The following KIAA1217 variants were observed in gnomAD, a reference collection of about 807,000 sequenced individuals.
KIAA1217 encodes the protein KIAA1217.
A neutral mutation model predicts 163.9 loss-of-function variants in KIAA1217; 88 were observed. The observed-to-expected ratio is 0.54, with a 90% CI of 0.45 to 0.64. The LOEUF (loss-of-function observed/expected upper bound fraction) is 0.64, where lower values mean the gene tolerates loss of function less well. Ranked by LOEUF, KIAA1217 falls within the 30% of genes least tolerant of loss-of-function variation. The probability of loss-of-function intolerance (pLI) is 0.00; values close to 1 mark genes in which losing one functional copy is unlikely to be tolerated. For synonymous variants in KIAA1217, 903 were observed against 923.1 expected (o/e 0.98, Z 0.39); for missense variants, 2,372 against 2,475.0 (o/e 0.96, Z 0.88).
intron 2 of KIAA1217, among the ~76,000 whole-genome samples, chr10:24,252,052 G>A (rs1564345872): frequency 6.6e-6 from 1 of 151,930 alleles, no homozygotes; most frequent in Non-Finnish European, 1.5e-5. Context: ...TTTCTATCTA[G>A]TCAATGTCTT....
chr10:24,125,322 C>CTGTGTG (rs58143239), intron 2 of KIAA1217, among the ~76,000 whole-genome samples: 10,980 of 143,686 alleles, frequency 0.076, 464 homozygotes, highest in Middle Eastern at 0.14. Flanking sequence ...ATCCTATGCT[C>CTGTGTG]TGTGTGTGTG....
intron 1 of KIAA1217, among the ~76,000 whole-genome samples, chr10:23,834,381 G>T (rs751478901): frequency 6.6e-6 from 1 of 152,020 alleles, no homozygotes; most frequent in Admixed American, 6.6e-5. Flanking sequence ...CCAATGTCAG[G>T]TTTATTCATT....
intron 1 of KIAA1217, among the ~76,000 whole-genome samples, chr10:24,001,851 G>A (rs1360152316): frequency 6.6e-6 from 1 of 152,074 alleles, no homozygotes; most frequent in Admixed American, 6.6e-5. Context: ...GTTTGCTATG[G>A]TTTTCACAGA....
At chr10:23,886,221 A>G (rs774976862) in intron 1 of KIAA1217, among the ~76,000 whole-genome samples, 32 of 151,938 alleles carry the variant, frequency 2.1e-4, no homozygotes, top group Non-Finnish European at 2.9e-4. Context: ...CCAGTAGCCA[A>G]GTGTTCCTCT....
chr10:23,867,347 GTCCTTTGGGTATAT>G (rs1446374688), intron 1 of KIAA1217, among the ~76,000 whole-genome samples: 1 of 151,588 alleles, frequency 6.6e-6, no homozygotes, highest in African/African-American at 2.4e-5. Context: ...ATGATTTATA[GTCCTTTGGGTATAT>G]ACCCAGTAAT....
At chr10:23,748,230 A>G (rs1448590403) in intron 1 of KIAA1217, among the ~76,000 whole-genome samples, 1 of 152,044 alleles carries the variant, frequency 6.6e-6, no homozygotes, top group Admixed American at 6.6e-5. Context: ...CTAGTGAACA[A>G]AAGTCCTTTC....
intron 2 of KIAA1217, among the ~76,000 whole-genome samples, chr10:24,360,719 T>G (rs1016241685): frequency 7.2e-5 from 11 of 152,154 alleles, no homozygotes; most frequent in Non-Finnish European, 1.5e-4. Flanking sequence ...CCCCTTGTGG[T>G]GCAACTCGAA....
chr10:24,123,621 C>T (rs565783417), intron 2 of KIAA1217, among the ~76,000 whole-genome samples: 2 of 152,090 alleles, frequency 1.3e-5, no homozygotes, highest in Non-Finnish European at 2.9e-5. Context: ...CTCTAGCTGC[C>T]GATGGCAGTC....
chr10:23,701,871 C>T (rs922524564), intron 1 of KIAA1217, among the ~76,000 whole-genome samples: 2 of 152,172 alleles, frequency 1.3e-5, no homozygotes, highest in Non-Finnish European at 1.5e-5. Flanking sequence ...GTAATTCCTA[C>T]TAGCTCAAAG....
intron 3 of KIAA1217, among the ~76,000 whole-genome samples, chr10:24,405,757 CAG>C (rs764527010): frequency 1.3e-4 from 20 of 152,130 alleles, no homozygotes; most frequent in African/African-American, 2.7e-4. Context: ...AAATGCCAAA[CAG>C]GGGGTGAATA....
In KIAA1217 at chr10:23,973,692, C is replaced by A. The variant is rs146016453; in HGVS notation, c.-320-33533C>A. 3.5e-3 allele frequency among the ~76,000 whole-genome samples: 532 copies of A among 152,272 alleles called. 2 individuals carry two copies. Among genetic ancestry groups the A allele is most frequent in the African/African-American group, 0.012 (488 of 41,544 alleles). On this transcript the variant is annotated intron_variant, in intron 1 of 18. Transcript: ENST00000376462. The stretch of plus-strand genomic sequence containing the variant: ...GTGTTCACTTCTGCAAAGGTTATTC[C>A]TTATCACCGGGAATCAGAGGTAATG...
chr10:23,995,131 T>C (rs1419856360), intron 1 of KIAA1217, among the ~76,000 whole-genome samples: 21 of 152,170 alleles, frequency 1.4e-4, no homozygotes, highest in Admixed American at 1.4e-3. Context: ...GTTTAGCACT[T>C]GCCGTGTGCC....
chr10:23,867,815 T>C (rs1483668334), intron 1 of KIAA1217, among the ~76,000 whole-genome samples: 1 of 152,192 alleles, frequency 6.6e-6, no homozygotes, highest in Non-Finnish European at 1.5e-5. Context: ...CTGTTCACTC[T>C]GATGGTGGTT....
At chr10:24,476,878 C>T (rs367687014) in intron 6 of KIAA1217, among the ~76,000 whole-genome samples, 10 of 151,722 alleles carry the variant, frequency 6.6e-5, no homozygotes, top group African/African-American at 1.5e-4. Context: ...CACAGACACA[C>T]GACACACACA....
intron 1 of KIAA1217, among the ~76,000 whole-genome samples, chr10:23,968,129 T>C (rs753443470): frequency 2.6e-5 from 4 of 151,606 alleles, no homozygotes; most frequent in Non-Finnish European, 4.4e-5. Context: ...CCCAACAGAA[T>C]ACCAAAGTAT....
At chr10:24,344,707 T>G (rs2047508172) in intron 2 of KIAA1217, among the ~76,000 whole-genome samples, 1 of 152,230 alleles carries the variant, frequency 6.6e-6, no homozygotes, top group Non-Finnish European at 1.5e-5. Context: ...GAATAGCCCC[T>G]GCTCAAAAAT....
At chr10:23,759,916 CCT>C (rs1301297327) in intron 1 of KIAA1217, among the ~76,000 whole-genome samples, 6 of 152,140 alleles carry the variant, frequency 3.9e-5, no homozygotes, top group Admixed American at 6.5e-5. Context: ...ATTATTTTCC[CCT>C]GTTACTTATA....
At chr10:24,014,196 A>G (rs1453653771) in intron 2 of KIAA1217, among the ~76,000 whole-genome samples, 1 of 152,148 alleles carries the variant, frequency 6.6e-6, no homozygotes, top group Admixed American at 6.6e-5. Context: ...TTGGATAAAT[A>G]GTATCTGTAG....
At chr10:24,054,269 T>C (rs931436606) in intron 2 of KIAA1217, among the ~76,000 whole-genome samples, 3 of 152,162 alleles carry the variant, frequency 2.0e-5, no homozygotes, top group Admixed American at 2.0e-4. Context: ...AGATGCCAGA[T>C]AGGAAGTTGA....
Sources: gnomAD v4.1 joint callset for allele counts (sites outside exome capture counted in the v4.1 genomes callset) on GRCh38, gnomAD v4.1.1 for gene constraint, MANE v1.5 for transcripts, NCBI Gene and HGNC (gene_info 2026-07-23, HGNC 2026-07-21) for gene names.